Variants in CC2D2A observed in about 807,000 individuals in gnomAD.
CC2D2A encodes coiled-coil and C2 domain-containing protein 2A.
CC2D2A carries 155 observed loss-of-function variants against 212.9 expected under a neutral mutation model. The ratio of observed to expected loss-of-function variants is 0.73; its 90% CI spans 0.64 to 0.83. CC2D2A has a LOEUF of 0.83. Among genes scored for constraint, CC2D2A ranks in the 40% least tolerant of loss-of-function variants. The probability of loss-of-function intolerance (pLI) is 0.00; values close to 1 mark genes in which losing one functional copy is unlikely to be tolerated. For synonymous variants in CC2D2A, 667 were observed against 686.5 expected (o/e 0.97, Z 0.44); for missense variants, 1,856 against 1,956.2 (o/e 0.95, Z 0.97).
intron 33 of CC2D2A, among the ~76,000 whole-genome samples, chr4:15,591,888 G>T (rs765488067): frequency 6.6e-6 from 1 of 152,138 alleles, no homozygotes; most frequent in African/African-American, 2.4e-5. Context: ...AAGGTTTTGT[G>T]AGGAAGAAAG....
chr4:15,588,595 T>C (rs758874168), intron 32 of CC2D2A, among the ~76,000 whole-genome samples: 1 of 152,224 alleles, frequency 6.6e-6, no homozygotes, highest in Non-Finnish European at 1.5e-5. Context: ...GGAAATTCGA[T>C]AGCATGAGTT....
At chr4:15,546,010 T>C (rs1009064222) in intron 17 of CC2D2A, among the ~76,000 whole-genome samples, 1 of 151,942 alleles carries the variant, frequency 6.6e-6, no homozygotes, top group African/African-American at 2.4e-5. Flanking sequence ...CTTGGGAGGC[T>C]GAGGCAAGAG....
chr4:15,538,117 AC>A lies in CC2D2A; in HGVS notation c.1986del (p.Asn663MetfsTer15). The part of the protein sequence containing the change: ...PELSLAGSVT[P>X]NDQCPRAEVS... ...AGCTAAGCCTGGCAGGAAGCGTAAC[AC>A]CCAATGACCAGTGCCCCAGGTGAGT... On this transcript the variant is annotated frameshift_variant, in exon 16 of 37. Transcript: ENST00000424120. LOFTEE classifies it high-confidence loss of function. 6.3e-7 allele frequency: 1 copy of A among 1,587,730 alleles called. No homozygotes were observed. The highest frequency in any genetic ancestry group is 8.6e-7 in the Non-Finnish European group (1 of 1,165,344).
intron 14 of CC2D2A, among the ~76,000 whole-genome samples, chr4:15,533,941 G>A (rs1717985915): frequency 6.6e-6 from 1 of 152,326 alleles, no homozygotes; most frequent in East Asian, 1.9e-4. Flanking sequence ...TATTCCAGAA[G>A]TTGTGCTGAT....
At chr4:15,524,115 A>C (rs1717359942) in intron 11 of CC2D2A, among the ~76,000 whole-genome samples, 1 of 151,944 alleles carries the variant, frequency 6.6e-6, no homozygotes, top group African/African-American at 2.4e-5. Flanking sequence ...CTTACCAATG[A>C]TTATTAATTT....
intron 11 of CC2D2A, among the ~76,000 whole-genome samples, chr4:15,521,176 T>C (rs1171178447): frequency 6.6e-6 from 1 of 152,190 alleles, no homozygotes; most frequent in African/African-American, 2.4e-5. Context: ...CAACAAAACA[T>C]GAAGAATGTC....
intron 11 of CC2D2A, among the ~76,000 whole-genome samples, chr4:15,517,149 G>A (rs1014040078): frequency 6.6e-5 from 10 of 151,660 alleles, no homozygotes; most frequent in Non-Finnish European, 8.8e-5. Context: ...GGGTTTCACC[G>A]TGTTAGCCAG....
chr4:15,527,407 C>A, intron 11 of CC2D2A, 40 bp from the exon 12 acceptor site: 1 of 1,474,246 alleles, frequency 6.8e-7, no homozygotes, highest in Non-Finnish European at 9.4e-7. Flanking sequence ...CTAGTAAGTG[C>A]TTTAACTGTG....
Position 15,516,754 on chromosome 4 carries a change from A to G in CC2D2A, c.1147A>G (p.Lys383Glu). 6.2e-7 allele frequency: 1 copy of G among 1,611,106 alleles called. No homozygotes were observed. ...IKAELETLYK[K>E]AVKYVHSSQH... ...GGCAGAGCTTGAAACACTGTATAAA[A>G]AGGTAGACACTCCCCTCTCTCCACT... Residue 383 changes from lysine to glutamate, a missense_variant and splice_region_variant, in exon 11 of 37, where the codon AAG becomes GAG. Around this residue, in one of 5 missense-constraint regions of CC2D2A, gnomAD observed 1,512 missense variants for 1,579.3 expected, o/e 0.96. Transcript: ENST00000424120.
chr4:15,579,780 G>A (rs1371709699), intron 29 of CC2D2A, among the ~76,000 whole-genome samples, 188 bp from the exon 30 acceptor site: 1 of 152,128 alleles, frequency 6.6e-6, no homozygotes, highest in Non-Finnish European at 1.5e-5. Context: ...TATTTAATGA[G>A]TCGGTCTAAT....
chr4:15,507,205 T>C (rs765230394), intron 6 of CC2D2A, among the ~76,000 whole-genome samples: 2 of 152,224 alleles, frequency 1.3e-5, no homozygotes, highest in Non-Finnish European at 2.9e-5. Context: ...GTGGAATGTA[T>C]TGATTAGCAC....
chr4:15,475,544 G>A (rs537584718), intron 1 of CC2D2A, among the ~76,000 whole-genome samples: 17 of 152,278 alleles, frequency 1.1e-4, no homozygotes, highest in South Asian at 2.1e-4. Context: ...AGGGGATGTA[G>A]AAGCCCTCTC....
chr4:15,566,158 C>G (rs1353784641), intron 24 of CC2D2A, among the ~76,000 whole-genome samples: 1 of 152,182 alleles, frequency 6.6e-6, no homozygotes, highest in Non-Finnish European at 1.5e-5. Context: ...CTGGAAGAGA[C>G]TCTCTGGATT....
chr4:15,595,790 G>C (rs1721292723), intron 33 of CC2D2A: 1 of 192,700 alleles, frequency 5.2e-6, no homozygotes, highest in South Asian at 1.6e-4. Flanking sequence ...GAAAGAAGTG[G>C]CCTTGGTTTT....
chr4:15,574,365 T>C (rs1475409467), intron 29 of CC2D2A, 39 bp downstream of exon 29: 62 of 1,459,032 alleles, frequency 4.2e-5, no homozygotes, highest in Non-Finnish European at 5.3e-5. Context: ...TCTATGTTGA[T>C]AAAACACAAG....
intron 4 of CC2D2A, among the ~76,000 whole-genome samples, chr4:15,486,126 G>C (rs949220465): frequency 6.6e-6 from 1 of 151,478 alleles, no homozygotes; most frequent in African/African-American, 2.4e-5. Context: ...AAAGTTTTTT[G>C]TTGTTATGTC....
At chr4:15,601,183 A>T in intron 36 of CC2D2A, 54 bp from the exon 37 acceptor site, 1 of 1,412,860 alleles carries the variant, frequency 7.1e-7, no homozygotes, top group Non-Finnish European at 9.9e-7. Context: ...CGTAGGAAAA[A>T]ATGTATTAAA....
intron 30 of CC2D2A, among the ~76,000 whole-genome samples, chr4:15,584,990 A>G (rs1052473511): frequency 6.6e-6 from 1 of 152,232 alleles, no homozygotes; most frequent in Admixed American, 6.5e-5. Flanking sequence ...AAGACAAAAA[A>G]TGACAAATGC....
Position 15,510,134 on chromosome 4 carries a change from T to C in CC2D2A, c.439-5T>C, listed in dbSNP as rs369244755. On this transcript the variant is annotated splice_polypyrimidine_tract_variant and splice_region_variant and intron_variant, in intron 6 of 36. Transcript: ENST00000424120. The stretch of plus-strand genomic sequence containing the variant: ...TTTATCTATCATTTTTTTCCACTCA[T>C]ATAGCCAGGGAAAGAGGTAGAAAGG... 4.4e-6 allele frequency: 7 copies of C among 1,607,820 alleles called. No individual in the cohort carries two copies. The highest frequency in any genetic ancestry group is 2.2e-5 in the East Asian group (1 of 44,794).
Sources: allele counts gnomAD v4.1 joint callset (sites outside exome capture counted in the v4.1 genomes callset), GRCh38; gene constraint gnomAD v4.1.1; regional missense constraint gnomAD v4.1.1; transcripts MANE v1.5; gene names NCBI Gene and HGNC (gene_info 2026-07-23, HGNC 2026-07-21).